The following RUNX1T1 variants were observed in gnomAD, a reference collection of about 807,000 sequenced individuals.
RUNX1T1 encodes the protein RUNX1 partner transcriptional co-repressor 1.
Under a neutral mutation model 62.8 loss-of-function variants are expected in RUNX1T1, and 4 were observed. The observed-to-expected ratio is 0.06, with a 90% CI of 0.03 to 0.15. The LOEUF (loss-of-function observed/expected upper bound fraction) is 0.15, where lower values mean the gene tolerates loss of function less well. Ranked by LOEUF, RUNX1T1 falls within the 10% of genes least tolerant of loss-of-function variation. The probability of loss-of-function intolerance (pLI) is 1.00; values close to 1 mark genes in which losing one functional copy is unlikely to be tolerated. For missense variants in RUNX1T1, 508 were observed against 754.3 expected, an observed-to-expected ratio of 0.67 and a Z score of 3.82; for synonymous variants, 291 against 286.0, an observed-to-expected ratio of 1.02 and a Z score of -0.18.
rs150226404 is a variant in RUNX1T1, at chr8:92,074,991, C to T, written c.88+974G>A. On this transcript the variant is annotated intron_variant, in intron 2 of 11. Coordinates refer to the RUNX1T1 transcript ENST00000265814. ...AAAAAACAACAACTTTATTTTCCAA[C>T]ACCTTCCTGAGAACTTTAAGAACAA... 1.8e-3 allele frequency among the ~76,000 whole-genome samples: 271 copies of T among 152,326 alleles called. 1 individual carries two copies. The highest frequency in any genetic ancestry group is 6.4e-3 in the African/African-American group (265 of 41,576).
At chr8:92,099,843 C>T (rs1837957936), upstream of RUNX1T1, among the ~76,000 whole-genome samples, 1 of 152,180 alleles carries the variant, frequency 6.6e-6, no homozygotes, top group Non-Finnish European at 1.5e-5. Flanking sequence ...GATCCTTTTT[C>T]AGTGTTTAAA....
intron 1 of RUNX1T1, among the ~76,000 whole-genome samples, chr8:92,098,453 A>G (rs1837887521): frequency 6.6e-6 from 1 of 152,230 alleles, no homozygotes; most frequent in Non-Finnish European, 1.5e-5. Flanking sequence ...ATATCATAAT[A>G]TTCTTAATGT....
chr8:92,082,915 G>T (rs753014160), intron 1 of RUNX1T1, among the ~76,000 whole-genome samples: 30 of 150,514 alleles, frequency 2.0e-4, no homozygotes, highest in Middle Eastern at 3.5e-3. Context: ...AGGAGGGAGA[G>T]AAGGAAGAGG....
chr8:91,975,983 G>C lies in RUNX1T1; in HGVS notation c.1199-10C>G, dbSNP rs774127132. 2 of 1,605,000 alleles carry C rather than the reference G, an allele frequency of 1.2e-6. No homozygotes were observed. Among genetic ancestry groups the C allele is most frequent in the South Asian group, 2.2e-5 (2 of 90,886 alleles). On this transcript the variant is annotated splice_polypyrimidine_tract_variant and intron_variant, in intron 8 of 10. Transcript: ENST00000396218. ...AATTCCCGATGCGCGTCTATGAAAA[G>C]GATGGGAAGGGGGTGGAGAGAGGAG...
chr8:92,017,199 A>T (rs1823187295), intron 2 of RUNX1T1, 27 bp downstream of exon 3: 2 of 1,464,544 alleles, frequency 1.4e-6, no homozygotes, highest in Non-Finnish European at 1.9e-6. Context: ...TAAAACTGAA[A>T]CTCAAAAGCC....
chr8:92,004,613 TTCA>T (rs1820383366), intron 5 of RUNX1T1: 1 of 152,434 alleles, frequency 6.6e-6, no homozygotes, highest in Non-Finnish European at 1.5e-5. Context: ...CTTCACTCAG[TTCA>T]TCTAGTGTCC....
exon 11 of RUNX1T1, chr8:91,959,488 G>GTATATATATATATATA (rs60438153): frequency 1.2e-5 from 1 of 84,796 alleles, no homozygotes; most frequent in Admixed American, 1.4e-4. Flanking sequence ...GTGTGTGTGT[G>GTATATATATATATATA]TATATATATA....
At chr8:92,003,176 TCTA>T (rs1241344149) in intron 5 of RUNX1T1, 1 of 290,026 alleles carries the variant, frequency 3.4e-6, no homozygotes, top group East Asian at 8.1e-5. Flanking sequence ...TTAGGAGAGT[TCTA>T]CCTGACTGAA....
intron 2 of RUNX1T1, among the ~76,000 whole-genome samples, chr8:92,016,628 T>C (rs981290283): frequency 2.4e-4 from 36 of 152,104 alleles, no homozygotes; most frequent in African/African-American, 8.5e-4. Context: ...TGAGCTGAGA[T>C]CGTGCCACTG....
exon 9 of RUNX1T1, chr8:91,975,970 G>A (rs376852864): frequency 8.7e-6 from 14 of 1,611,240 alleles, no homozygotes; most frequent in South Asian, 3.3e-5. Flanking sequence ...TTCCCGATGC[G>A]CGTCTATGAA....
At chr8:91,960,458 T>G in exon 11 of RUNX1T1, 1 of 1,614,146 alleles carries the variant, frequency 6.2e-7, no homozygotes, top group Non-Finnish European at 8.5e-7. Flanking sequence ...AGCCACAGTA[T>G]CGGGCTGTGT....
intron 5 of RUNX1T1, among the ~76,000 whole-genome samples, chr8:91,995,244 T>G (rs1317218168): frequency 1.3e-5 from 2 of 152,196 alleles, no homozygotes; most frequent in Non-Finnish European, 2.9e-5. Context: ...ATACACAATT[T>G]ATCTTCATCC....
At chr8:91,985,642 AAT>A (rs147351066) in intron 8 of RUNX1T1, among the ~76,000 whole-genome samples, 3,919 of 151,288 alleles carry the variant, frequency 0.026, 165 homozygotes, top group African/African-American at 0.09. Context: ...TTAAAATATA[AAT>A]ATATATATAT....
intron 5 of RUNX1T1, among the ~76,000 whole-genome samples, chr8:91,998,762 A>AAAG (rs1268956575): frequency 6.6e-6 from 1 of 152,096 alleles, no homozygotes. Context: ...CTGCTTTCTT[A>AAAG]TTCGAATCTG....
intron 8 of RUNX1T1, among the ~76,000 whole-genome samples, chr8:91,981,146 T>C (rs1815150497): frequency 6.6e-6 from 1 of 152,134 alleles, no homozygotes; most frequent in African/African-American, 2.4e-5. Flanking sequence ...ACAAAGAGAT[T>C]ATGACCTGCC....
At chr8:92,101,359 G>A (rs116077672), upstream of RUNX1T1, among the ~76,000 whole-genome samples, 4,468 of 152,280 alleles carry the variant, frequency 0.029, 213 homozygotes, top group African/African-American at 0.1. Context: ...GTTACATTAA[G>A]CACATGAAGT....
At chr8:92,014,881 T>C in intron 2 of RUNX1T1, 61 bp from the exon 4 acceptor site, 1 of 1,487,012 alleles carries the variant, frequency 6.7e-7, no homozygotes. Flanking sequence ...CATGAGGAAA[T>C]TGCCACCAAG....
At chr8:92,098,657 C>T (rs1837897627) in intron 1 of RUNX1T1, among the ~76,000 whole-genome samples, 2 of 152,156 alleles carry the variant, frequency 1.3e-5, no homozygotes, top group Non-Finnish European at 2.9e-5. Context: ...GCGATTTATT[C>T]ACTCAGAACT....
chr8:92,009,595 CTTCTTTTTTTTTTT>C (rs892887245), intron 4 of RUNX1T1: 3 of 71,320 alleles, frequency 4.2e-5, no homozygotes, highest in African/African-American at 1.4e-4. Flanking sequence ...CTTTCTTCTT[CTTCTTTTTTTTTTT>C]TTCTTTTTTA....
Sources: allele counts gnomAD v4.1 joint callset (sites outside exome capture counted in the v4.1 genomes callset), GRCh38; gene constraint gnomAD v4.1.1; transcripts MANE v1.5; gene names NCBI Gene and HGNC (gene_info 2026-07-23, HGNC 2026-07-21).